MINDY4: variants seen among roughly 807,000 people sequenced by gnomAD.
MINDY4 encodes the protein probable ubiquitin carboxyl-terminal hydrolase MINDY-4.
In MINDY4, 68 loss-of-function variants were observed where a neutral mutation model predicts 87.0. The ratio of observed to expected loss-of-function variants is 0.78; its 90% CI spans 0.64 to 0.96. The LOEUF (loss-of-function observed/expected upper bound fraction) is 0.96, where lower values mean the gene tolerates loss of function less well. Ranked by LOEUF, MINDY4 falls within the 40% of genes least tolerant of loss-of-function variation. The pLI is 0.00. For missense variants in MINDY4, 919 were observed against 928.2 expected (o/e 0.99, Z 0.13); for synonymous variants, 379 against 363.2 (o/e 1.04, Z -0.50).
chr7:30,873,860 T>G (rs1168927196), intron 14 of MINDY4, among the ~76,000 whole-genome samples: 1 of 152,226 alleles, frequency 6.6e-6, no homozygotes. Context: ...TGCATTATTT[T>G]ACAGCAGACA....
rs71530530 is a variant in MINDY4 at position 30,832,899 on chromosome 7, C to G, written c.1133-3759C>G. Among the ~76,000 whole-genome samples, 924 of 152,286 alleles carry G rather than the reference C, an allele frequency of 6.1e-3. 4 individuals are homozygous for G. The highest frequency in any genetic ancestry group is 0.017 in the Middle Eastern group (5 of 294). On this transcript the variant is annotated intron_variant, in intron 6 of 17. Transcript: ENST00000265299. ...TATCTTTAGCCCTACCCCTTATACT[C>G]TTATTACCTTCCTTTCCCATAAGCA... is the stretch of plus-strand genomic sequence containing the variant.
chr7:30,819,184 A>G (rs932763876), intron 5 of MINDY4, among the ~76,000 whole-genome samples: 16 of 152,056 alleles, frequency 1.1e-4, no homozygotes, highest in Admixed American at 3.3e-4. Flanking sequence ...CCTTTATGCT[A>G]TACACTGCCC....
At chr7:30,835,708 C>T (rs996701066) in intron 6 of MINDY4, among the ~76,000 whole-genome samples, 2 of 152,346 alleles carry the variant, frequency 1.3e-5, no homozygotes, top group East Asian at 3.9e-4. Flanking sequence ...CTCTGGCAGG[C>T]CCCTCTAGGG....
At chr7:30,871,164 G>T (rs7799400) in intron 13 of MINDY4, among the ~76,000 whole-genome samples, 12,760 of 152,206 alleles carry the variant, frequency 0.084, 787 homozygotes, top group South Asian at 0.18. Flanking sequence ...GCAGAAGTGG[G>T]GGGGACAGAC....
chr7:30,837,844 G>A (rs542150260), intron 7 of MINDY4, among the ~76,000 whole-genome samples: 3 of 152,302 alleles, frequency 2.0e-5, no homozygotes, highest in African/African-American at 2.4e-5. Context: ...TGTGCCTAGC[G>A]GGAGCTGTCA....
At chr7:30,775,182 C>T (rs77006640) in intron 1 of MINDY4, among the ~76,000 whole-genome samples, 418 of 152,246 alleles carry the variant, frequency 2.7e-3, no homozygotes, top group African/African-American at 9.6e-3. Flanking sequence ...TTAGTGCAGA[C>T]CCTGCAGGTT....
At chr7:30,882,609 GCC>G (rs1790502792) in intron 16 of MINDY4, among the ~76,000 whole-genome samples, 4 of 152,338 alleles carry the variant, frequency 2.6e-5, no homozygotes, top group Admixed American at 2.0e-4. Context: ...ATGGTAAAGA[GCC>G]CTGAATACTA....
chr7:30,816,054 T>C (rs1175376838), intron 5 of MINDY4, among the ~76,000 whole-genome samples: 2 of 152,240 alleles, frequency 1.3e-5, no homozygotes, highest in Non-Finnish European at 2.9e-5. Flanking sequence ...CCAGCAGGGC[T>C]GCAGGATTAG....
intron 5 of MINDY4, among the ~76,000 whole-genome samples, chr7:30,822,053 A>G (rs1788346348): frequency 6.6e-6 from 1 of 152,142 alleles, no homozygotes; most frequent in Non-Finnish European, 1.5e-5. Flanking sequence ...CTGATGATTC[A>G]TTCTAAAGTA....
At chr7:30,809,798 G>GAA (rs143331869) in intron 5 of MINDY4, among the ~76,000 whole-genome samples, 1 of 150,654 alleles carries the variant, frequency 6.6e-6, no homozygotes, top group Non-Finnish European at 1.5e-5. Context: ...AAAAAAGGGG[G>GAA]AAAAAAAAGG....
rs77278828 is a variant in MINDY4, at chr7:30,813,004, G to A, written c.1074-15675G>A. Among the ~76,000 whole-genome samples, 650 of 152,264 alleles carry A rather than the reference G, an allele frequency of 4.3e-3. 3 individuals are homozygous for A. Among genetic ancestry groups the A allele is most frequent in the African/African-American group, 0.015 (614 of 41,544 alleles). On this transcript the variant is annotated intron_variant, in intron 5 of 17. Transcript: ENST00000265299. ...GTCTGCCTTGCTTGGGCCATTTCTC[G>A]CCCACACCATCCAGAAGGGGTTGCT...
intron 15 of MINDY4, 90 bp downstream of exon 15, chr7:30,875,746 C>A: frequency 7.1e-7 from 1 of 1,398,704 alleles, no homozygotes; most frequent in South Asian, 1.4e-5. Flanking sequence ...CTGGACTCCA[C>A]TTCTCAGAGC....
intron 9 of MINDY4, among the ~76,000 whole-genome samples, chr7:30,845,301 G>C (rs1789172900): frequency 6.6e-6 from 1 of 152,120 alleles, no homozygotes; most frequent in South Asian, 2.1e-4. Flanking sequence ...AACACCTACA[G>C]AGCCCCTGCC....
chr7:30,842,345 G>C (rs1048569168), intron 9 of MINDY4, among the ~76,000 whole-genome samples: 7 of 152,184 alleles, frequency 4.6e-5, no homozygotes, highest in Non-Finnish European at 1.0e-4. Context: ...TGGGAGGTTT[G>C]AATGTCATGG....
intron 14 of MINDY4, among the ~76,000 whole-genome samples, chr7:30,874,719 T>C (rs1407694910): frequency 6.6e-6 from 1 of 152,146 alleles, no homozygotes; most frequent in Non-Finnish European, 1.5e-5. Context: ...ACCTCTCTGC[T>C]TCTGTTCTTG....
At chr7:30,859,038 C>G (rs1286461956) in intron 12 of MINDY4, 1 of 711,546 alleles carries the variant, frequency 1.4e-6, no homozygotes, top group Non-Finnish European at 2.6e-6. Flanking sequence ...TTTGGTGGCC[C>G]CTGCATCACC....
intron 6 of MINDY4, among the ~76,000 whole-genome samples, chr7:30,834,503 G>A (rs572592187): frequency 3.9e-5 from 6 of 152,352 alleles, no homozygotes; most frequent in African/African-American, 1.4e-4. Flanking sequence ...GGTCTGTGAT[G>A]GGAGGGCGTG....
chr7:30,882,188 G>A lies in MINDY4; in HGVS notation c.1979G>A (p.Cys660Tyr). ...GGCCTCTCCCTCATCCAGGTTGGCT[G>A]CTTCCTGAAGACCCCGAGGTTCCCC... ...FEHYNMCQVG[C>Y]FLKTPRFPIW... The change falls in exon 16 of 18, where the codon TGC becomes TAC. Residue 660 changes from cysteine (C) to tyrosine (Y), a missense_variant. By Grantham distance (194) the Cys-to-Tyr change is radical (BLOSUM62 -2). Coordinates refer to ENST00000265299, the MANE Select transcript of MINDY4 (RefSeq NM_032222.3). 6.2e-7 allele frequency: 1 copy of A among 1,605,662 alleles called. No homozygotes were observed. The highest frequency in any genetic ancestry group is 8.5e-7 in the Non-Finnish European group (1 of 1,173,762).
At chr7:30,812,622 ATCCGCAAGCTCTTGCAC>A (rs1788037714) in intron 5 of MINDY4, among the ~76,000 whole-genome samples, 2 of 152,228 alleles carry the variant, frequency 1.3e-5, no homozygotes, top group Non-Finnish European at 2.9e-5. Flanking sequence ...TTACATGGGC[ATCCGCAAGCTCTTGCAC>A]TCCAAGGAAT....
Sources: gnomAD v4.1 joint callset for allele counts (sites outside exome capture counted in the v4.1 genomes callset) on GRCh38, gnomAD v4.1.1 for gene constraint, MANE v1.5 for transcripts, NCBI Gene and HGNC (gene_info 2026-07-23, HGNC 2026-07-21) for gene names.